R3HDM4: variants seen among roughly 807,000 people sequenced by gnomAD.
R3HDM4 encodes R3H domain-containing protein 4.
A neutral mutation model predicts 31.3 loss-of-function variants in R3HDM4; 30 were observed. That is an observed-to-expected ratio of 0.96 (90% CI 0.72 to 1.30). The LOEUF (loss-of-function observed/expected upper bound fraction) is 1.30, where lower values mean the gene tolerates loss of function less well. Among genes scored for constraint, R3HDM4 ranks in the 50% most tolerant of loss-of-function variants. The probability of loss-of-function intolerance (pLI) is 0.00; values close to 1 mark genes in which losing one functional copy is unlikely to be tolerated. For missense variants in R3HDM4, 444 were observed against 366.1 expected (o/e 1.21, Z -1.74); for synonymous variants, 196 against 156.6 (o/e 1.25, Z -1.88).
intron 4 of R3HDM4, 90 bp from the exon 5 acceptor site, chr19:900,236 G>A (rs2036809685): frequency 5.1e-6 from 5 of 988,320 alleles, no homozygotes; most frequent in African/African-American, 1.7e-5. Context: ...GGAAGACCAC[G>A]CCCATCTGTG....
intron 1 of R3HDM4, among the ~76,000 whole-genome samples, chr19:905,847 G>C (rs1352016466): frequency 6.6e-6 from 1 of 152,072 alleles, no homozygotes; most frequent in South Asian, 2.1e-4. Flanking sequence ...CCACCAATAG[G>C]GACCTGCAGG....
chr19:909,124 G>C (rs977758302), intron 1 of R3HDM4, among the ~76,000 whole-genome samples: 2 of 152,248 alleles, frequency 1.3e-5, no homozygotes, highest in Non-Finnish European at 2.9e-5. Context: ...CCACAGAAGA[G>C]GGGGGCAGCC....
At position 899,965 on chromosome 19, in the gene R3HDM4, C is replaced by T; in HGVS notation, c.561+96G>A. On this transcript the variant is annotated intron_variant, in intron 5 of 7. Coordinates refer to ENST00000361574, the MANE Select transcript of R3HDM4 (RefSeq NM_138774.4). The surrounding 1 kb of genome is among the most constrained non-coding windows in gnomAD (Gnocchi z 6.8). ...CTGTATCCTGCCCTGTTTCCCCTGA[C>T]ACGACCTGCACCGGGTGAGAACCTG... is the stretch of plus-strand genomic sequence containing the variant. 2.3e-6 allele frequency: 3 copies of T among 1,294,826 alleles called. No individual in the cohort carries two copies. The highest frequency in any genetic ancestry group is 3.3e-6 in the Non-Finnish European group (3 of 900,876). The allele number at this position is 1,294,826 out of a possible 1,614,324, so 80.2% of individuals were successfully genotyped here.
rs1233508954 is a variant in R3HDM4, at chr19:900,070, G to T, written c.552C>A (p.Arg184=). ...RRLRAVLKRS[R]IPMETLETWE... ...GCAATCCCCCACTCACCATGGGGAT[G>T]CGGCTGCGCTTGAGGACGGCTCGCA... Residue 184 remains arginine (R), a synonymous_variant, in exon 5 of 8, where the codon CGC becomes CGA. Coordinates refer to ENST00000361574, the MANE Select transcript of R3HDM4 (RefSeq NM_138774.4). 3 of 1,611,832 alleles carry T rather than the reference G, an allele frequency of 1.9e-6. No homozygotes were observed. The African/African-American group carries it at 4.0e-5, about 22-fold the overall frequency.
chr19:900,157 G>A lies in R3HDM4; in HGVS notation c.476-11C>T, dbSNP rs375154265. On this transcript the variant is annotated splice_polypyrimidine_tract_variant and intron_variant, in intron 4 of 7. Coordinates refer to ENST00000361574, the MANE Select transcript of R3HDM4 (RefSeq NM_138774.4). ...TATAGGCGGGGTCCTCTGCAGGAGT[G>A]GGGGAACAAGGGGCAGTCTTGGGGT... 18 of 1,548,574 alleles carry A rather than the reference G, an allele frequency of 1.2e-5. No homozygotes were observed. Among genetic ancestry groups the A allele is most frequent in the South Asian group, 3.7e-5 (3 of 81,776 alleles).
rs758789463 is a variant in R3HDM4, at chr19:901,389, G to A, written c.351+33C>T. ...CCGTAGGAGAACTGCCGGGGTCCCC[G>A]TGTGGAGGGAGTGAGGGGGTTGGGG... On this transcript the variant is annotated intron_variant, in intron 3 of 7. Transcript: ENST00000361574. The A allele has an allele frequency of 2.2e-5, 35 of 1,591,024 alleles. No individual in the cohort carries two copies. In the South Asian group the frequency reaches 2.6e-4, roughly 12 times the overall value.
chr19:909,007 A>G (rs951503324), intron 1 of R3HDM4, among the ~76,000 whole-genome samples: 2 of 152,224 alleles, frequency 1.3e-5, no homozygotes, highest in Non-Finnish European at 2.9e-5. Context: ...GGGCTGGTTC[A>G]TCTGTTTCCC....
chr19:899,362 A>C lies in R3HDM4; in HGVS notation c.703+78T>G. ...CTCCCCACCAAGCCCCACTCTGAGG[A>C]ACCAGGCCCCTGGGACCCTGGCCAC... On this transcript the variant is annotated intron_variant, in intron 7 of 7. Transcript: ENST00000361574. The surrounding 1 kb of genome is among the most constrained non-coding windows in gnomAD (Gnocchi z 6.8). 7.1e-7 allele frequency: 1 copy of C among 1,406,526 alleles called. No homozygotes were observed. Among genetic ancestry groups the C allele is most frequent in the Non-Finnish European group, 1.0e-6 (1 of 998,374 alleles). The allele number at this position is 1,406,526 out of a possible 1,614,324, so 87.1% of individuals were successfully genotyped here.
At position 897,428 on chromosome 19, in the gene R3HDM4, G is replaced by A. The variant is rs1321210378; in HGVS notation, c.*9C>T. On this transcript the variant is annotated 3_prime_UTR_variant, in exon 8 of 8. Transcript: ENST00000361574. Reference sequence around the variant, plus strand: ...GCGAGGTGGCAGCGGGGTCTCCGCGGGGCCGCCATCAGCTGTGCTGCTCCA... The same window carrying A: ...GCGAGGTGGCAGCGGGGTCTCCGCGAGGCCGCCATCAGCTGTGCTGCTCCA... The A allele has an allele frequency of 2.5e-6, 4 of 1,590,632 alleles. No individual in the cohort carries two copies. Among genetic ancestry groups the A allele is most frequent in the Non-Finnish European group, 3.4e-6 (4 of 1,167,552 alleles).
chr19:898,219 TA>T (rs546504389), intron 7 of R3HDM4, among the ~76,000 whole-genome samples: 4,633 of 136,372 alleles, frequency 0.034, 114 homozygotes, highest in South Asian at 0.056. Flanking sequence ...CTGTCTCTAC[TA>T]AAAAAAAAAA....
In R3HDM4 at chr19:902,078, A is replaced by C. The variant is rs777578980; in HGVS notation, c.124T>G (p.Ser42Ala). 1 of 1,613,800 alleles carries C rather than the reference A, an allele frequency of 6.2e-7. No individual in the cohort carries two copies. The highest frequency in any genetic ancestry group is 8.5e-7 in the Non-Finnish European group (1 of 1,179,978). ...AAGTGCTGTTTCCGCCTGGAAGCCG[A>C]GAGTCTCTTCACCTGGGAGCTGGCT... Reference protein sequence around the residue: ...ALASSQVKRLSASRRKQHFIN... With the variant: ...ALASSQVKRLAASRRKQHFIN... Residue 42 changes from serine to alanine, a missense_variant, in exon 2 of 8, where the codon TCG becomes GCG. By Grantham distance (99) the Ser-to-Ala change is moderately conservative (BLOSUM62 1). Coordinates refer to ENST00000361574, the MANE Select transcript of R3HDM4 (RefSeq NM_138774.4).
chr19:911,289 C>T (rs1053684618), intron 1 of R3HDM4, among the ~76,000 whole-genome samples: 1 of 151,726 alleles, frequency 6.6e-6, no homozygotes, highest in Admixed American at 6.6e-5. Context: ...ACTAAAAATA[C>T]AACAATTAGC....
At chr19:901,775 C>A in intron 2 of R3HDM4, 1 of 753,768 alleles carries the variant, frequency 1.3e-6, no homozygotes, top group Non-Finnish European at 2.1e-6. Flanking sequence ...GGCGCCCTCC[C>A]ACCCAGCCCT....
chr19:910,280 G>A (rs986885972), intron 1 of R3HDM4, among the ~76,000 whole-genome samples: 2 of 151,746 alleles, frequency 1.3e-5, no homozygotes, highest in Non-Finnish European at 1.5e-5. Flanking sequence ...AGCCGAGATC[G>A]CACTACTGTA....
chr19:908,772 C>G (rs928141675), intron 1 of R3HDM4, among the ~76,000 whole-genome samples: 4 of 151,456 alleles, frequency 2.6e-5, no homozygotes, highest in South Asian at 2.1e-4. Flanking sequence ...CCGCCCCCCA[C>G]CTAGCCCAGT....
In R3HDM4 at chr19:899,329, T is replaced by C; in HGVS notation, c.703+111A>G. 2.2e-5 allele frequency: 16 copies of C among 716,290 alleles called. No individual in the cohort carries two copies. The highest frequency in any genetic ancestry group is 4.2e-5 in the East Asian group (1 of 23,742). The allele number at this position is 716,290 out of a possible 1,614,324, so 44.4% of individuals were successfully genotyped here. On this transcript the variant is annotated intron_variant, in intron 7 of 7. Transcript: ENST00000361574. The surrounding 1 kb of genome is among the most constrained non-coding windows in gnomAD (Gnocchi z 6.8). ...TCGTAGCGTCCCCACTCCAGCCCCCTTCCCCACCTCCCCACCAAGCCCCAC... is the reference window on the plus strand; with the variant it reads ...TCGTAGCGTCCCCACTCCAGCCCCCCTCCCCACCTCCCCACCAAGCCCCAC...
At chr19:901,709 G>A in intron 2 of R3HDM4, 163 bp from the exon 3 acceptor site, 1 of 1,020,480 alleles carries the variant, frequency 9.8e-7, no homozygotes, top group East Asian at 2.6e-5. Context: ...CTAGACCCCA[G>A]GTTCTGGATT....
At chr19:906,348 T>G (rs1475707139) in intron 1 of R3HDM4, among the ~76,000 whole-genome samples, 10 of 151,640 alleles carry the variant, frequency 6.6e-5, no homozygotes, top group Non-Finnish European at 5.9e-5. Context: ...GCCTCCCGAG[T>G]AGCTGGGACT....
Position 897,333 on chromosome 19 carries a change from G to C in R3HDM4, c.*104C>G. On this transcript the variant is annotated 3_prime_UTR_variant, in exon 8 of 8. Coordinates refer to ENST00000361574, the MANE Select transcript of R3HDM4 (RefSeq NM_138774.4). ...AGAGAGACCACCCCAAGCGAAAAAGGTTTCCGAGGACAAATTCTAAAAATA... is the reference window on the plus strand; with the variant it reads ...AGAGAGACCACCCCAAGCGAAAAAGCTTTCCGAGGACAAATTCTAAAAATA... 1 of 904,786 alleles carries C rather than the reference G, an allele frequency of 1.1e-6. No individual in the cohort carries two copies. Among genetic ancestry groups the C allele is most frequent in the Non-Finnish European group, 1.7e-6 (1 of 604,806 alleles). The allele number at this position is 904,786 out of a possible 1,614,324, so 56.0% of individuals were successfully genotyped here. A position where few individuals can be genotyped will look rare whatever the true frequency, so the allele number is the denominator to read the frequency against.
Sources: allele counts gnomAD v4.1 joint callset (sites outside exome capture counted in the v4.1 genomes callset), GRCh38; gene constraint gnomAD v4.1.1; non-coding constraint Gnocchi (gnomAD v3.1); transcripts MANE v1.5; gene names NCBI Gene and HGNC (gene_info 2026-07-23, HGNC 2026-07-21).